The following PTPN13 variants were observed in gnomAD, a reference collection of about 807,000 sequenced individuals.
PTPN13 encodes tyrosine-protein phosphatase non-receptor type 13.
Under a neutral mutation model 284.0 loss-of-function variants are expected in PTPN13, and 191 were observed. That is an observed-to-expected ratio of 0.67 (90% CI 0.60 to 0.76). PTPN13 has a LOEUF of 0.76. Among genes scored for constraint, PTPN13 ranks in the 30% least tolerant of loss-of-function variants. The pLI, the probability that PTPN13 is intolerant of heterozygous loss-of-function variation, is 0.00. For missense variants in PTPN13, 2,797 were observed against 2,939.9 expected, an observed-to-expected ratio of 0.95 and a Z score of 1.12; for synonymous variants, 986 against 1,022.3, an observed-to-expected ratio of 0.96 and a Z score of 0.68.
rs536080801 is a variant in PTPN13, at chr4:86,790,556, A to C, written c.6345+4620A>C. The stretch of plus-strand genomic sequence containing the variant: ...TAAGTGCCACACACACACACACACA[A>C]AAAGAATAACCAAGGAAACCTGCTT... On this transcript the variant is annotated intron_variant, in intron 40 of 47. Coordinates refer to ENST00000411767, the MANE Select transcript of PTPN13 (RefSeq NM_080683.3). 2.4e-3 allele frequency among the ~76,000 whole-genome samples: 365 copies of C among 152,222 alleles called. 2 individuals are homozygous for C. Among genetic ancestry groups the C allele is most frequent in the Middle Eastern group, 3.4e-3 (1 of 294 alleles).
chr4:86,691,716 A>G (rs958869928), intron 5 of PTPN13, among the ~76,000 whole-genome samples: 2 of 152,204 alleles, frequency 1.3e-5, no homozygotes, highest in Non-Finnish European at 2.9e-5. Context: ...GCACATAGTC[A>G]CAGATACGGT....
intron 10 of PTPN13, among the ~76,000 whole-genome samples, chr4:86,731,451 T>G (rs1213330141): frequency 6.6e-6 from 1 of 152,208 alleles, no homozygotes; most frequent in Non-Finnish European, 1.5e-5. Context: ...CTTTATTTCC[T>G]GAAATATTTT....
chr4:86,779,825 G>T (rs1338057137), intron 35 of PTPN13, among the ~76,000 whole-genome samples: 1 of 151,724 alleles, frequency 6.6e-6, no homozygotes, highest in African/African-American at 2.4e-5. Context: ...TTGTACTTTG[G>T]GTGGTACCAT....
intron 39 of PTPN13, among the ~76,000 whole-genome samples, chr4:86,785,578 G>T (rs532631615): frequency 1.3e-5 from 2 of 152,100 alleles, no homozygotes; most frequent in Admixed American, 1.3e-4. Context: ...ATCTCCAAAT[G>T]TATCATTTAT....
At chr4:86,640,262 T>G (rs527871429) in intron 2 of PTPN13, among the ~76,000 whole-genome samples, 1 of 152,314 alleles carries the variant, frequency 6.6e-6, no homozygotes, top group Admixed American at 6.5e-5. Context: ...AATCTGGGTG[T>G]TTTAAATAAA....
intron 6 of PTPN13, among the ~76,000 whole-genome samples, chr4:86,694,864 T>G (rs1043729456): frequency 6.6e-6 from 1 of 152,116 alleles, no homozygotes; most frequent in Non-Finnish European, 1.5e-5. Flanking sequence ...TCTAACAAAA[T>G]ATATTCTAAT....
At chr4:86,689,409 A>T (rs1218398593) in intron 5 of PTPN13, among the ~76,000 whole-genome samples, 3 of 152,212 alleles carry the variant, frequency 2.0e-5, no homozygotes, top group African/African-American at 4.8e-5. Flanking sequence ...TTATTCCCAA[A>T]AATATCATAG....
At chr4:86,638,355 G>C (rs1049099951) in intron 2 of PTPN13, among the ~76,000 whole-genome samples, 32 of 152,108 alleles carry the variant, frequency 2.1e-4, no homozygotes, top group African/African-American at 7.2e-4. Flanking sequence ...AACCAAAAAA[G>C]AGCCTGCATC....
chr4:86,637,706 A>G (rs1294789955), intron 2 of PTPN13, among the ~76,000 whole-genome samples: 6 of 147,092 alleles, frequency 4.1e-5, no homozygotes, highest in Admixed American at 2.0e-4. Flanking sequence ...ATCTATGACA[A>G]ACCCACAGCC....
At chr4:86,694,042 A>G (rs1471790707) in intron 6 of PTPN13, among the ~76,000 whole-genome samples, 5 of 151,878 alleles carry the variant, frequency 3.3e-5, no homozygotes, top group Non-Finnish European at 7.4e-5. Flanking sequence ...TACTGAAACA[A>G]AAGTTTCAGA....
At position 86,764,443 on chromosome 4, in the gene PTPN13, A is replaced by C; in HGVS notation, c.4018-150A>C. 6 of 597,202 alleles carry C rather than the reference A, an allele frequency of 1.0e-5. No homozygotes were observed. The South Asian group carries it at 1.9e-4, about 19-fold the overall frequency. The allele number at this position is 597,202 out of a possible 1,614,324, so 37.0% of individuals were successfully genotyped here. On this transcript the variant is annotated intron_variant, in intron 24 of 47. Transcript: ENST00000411767. Reference sequence around the variant, plus strand: ...ATCTTGCTTTTTCATAATTTTTCCAAAAACACATATTTGTCTTTCAGTAAT... The same window carrying C: ...ATCTTGCTTTTTCATAATTTTTCCACAAACACATATTTGTCTTTCAGTAAT...
At chr4:86,639,661 A>G (rs773626658) in intron 2 of PTPN13, among the ~76,000 whole-genome samples, 1 of 147,140 alleles carries the variant, frequency 6.8e-6, no homozygotes, top group Non-Finnish European at 1.5e-5. Flanking sequence ...GGGAAACATC[A>G]CACTCTGGGG....
chr4:86,701,237 C>CTAT lies in PTPN13; in HGVS notation c.635-4_635-3insTAT, dbSNP rs1565357838. ...GCATACATGATAGATTCTTATCATT[C>CTAT]CAGGAAGAAGCTCTACTTCTGATGT... is the stretch of plus-strand genomic sequence containing the variant. On this transcript the variant is annotated splice_region_variant and splice_polypyrimidine_tract_variant and intron_variant, in intron 6 of 47. Transcript: ENST00000411767. 1 of 1,539,174 alleles carries CTAT rather than the reference C, an allele frequency of 6.5e-7. No individual in the cohort carries two copies. Among genetic ancestry groups the CTAT allele is most frequent in the Admixed American group, 2.1e-5 (1 of 47,168 alleles).
At chr4:86,715,536 A>G (rs1051317370) in intron 7 of PTPN13, among the ~76,000 whole-genome samples, 1 of 152,116 alleles carries the variant, frequency 6.6e-6, no homozygotes, top group Non-Finnish European at 1.5e-5. Flanking sequence ...GCACTGCGGT[A>G]AGCTATGACT....
At chr4:86,739,227 A>AGTAACCTTT (rs1735878351) in intron 15 of PTPN13, among the ~76,000 whole-genome samples, 1 of 152,196 alleles carries the variant, frequency 6.6e-6, no homozygotes, top group Admixed American at 6.6e-5. Flanking sequence ...CAGTTGTCCC[A>AGTAACCTTT]GTAACCTTTG....
intron 7 of PTPN13, among the ~76,000 whole-genome samples, chr4:86,705,603 G>A (rs1362001282): frequency 6.6e-6 from 1 of 151,974 alleles, no homozygotes; most frequent in Non-Finnish European, 1.5e-5. Context: ...TACAATTTTT[G>A]TGATCTTTAA....
Position 86,743,632 on chromosome 4 carries a change from T to C in PTPN13, c.2488-1334T>C, listed in dbSNP as rs539781046. 5.3e-5 allele frequency among the ~76,000 whole-genome samples: 8 copies of C among 152,298 alleles called. No homozygotes were observed. The South Asian group carries it at 1.0e-3, about 20-fold the overall frequency. On this transcript the variant is annotated intron_variant, in intron 16 of 47. Coordinates refer to ENST00000411767, the MANE Select transcript of PTPN13 (RefSeq NM_080683.3). ...AACAGGTTTAATCCTGGAGCTTTCATTGGCAACAATATCTAGCTAGAATTT... is the reference window on the plus strand; with the variant it reads ...AACAGGTTTAATCCTGGAGCTTTCACTGGCAACAATATCTAGCTAGAATTT...
chr4:86,655,929 C>T (rs991504575), intron 2 of PTPN13, among the ~76,000 whole-genome samples: 1 of 152,128 alleles, frequency 6.6e-6, no homozygotes, highest in African/African-American at 2.4e-5. Context: ...TTCTTGGAGG[C>T]TTTGTTAGTT....
chr4:86,663,299 T>C (rs963842317), intron 2 of PTPN13, among the ~76,000 whole-genome samples: 7 of 152,218 alleles, frequency 4.6e-5, no homozygotes, highest in African/African-American at 1.7e-4. Context: ...AACCCGAAGG[T>C]ACAATTAAAC....
Sources: gnomAD v4.1 joint callset for allele counts (sites outside exome capture counted in the v4.1 genomes callset) on GRCh38, gnomAD v4.1.1 for gene constraint, MANE v1.5 for transcripts, NCBI Gene and HGNC (gene_info 2026-07-23, HGNC 2026-07-21) for gene names.